The following ZNF438 variants were observed in gnomAD, a reference collection of about 807,000 sequenced individuals.
ZNF438 encodes zinc finger protein 438.
ZNF438 carries 25 observed loss-of-function variants against 38.0 expected under a neutral mutation model. The ratio of observed to expected loss-of-function variants is 0.66; its 90% CI spans 0.48 to 0.92. ZNF438 has a LOEUF of 0.92. ZNF438 is among the 40% of genes least tolerant of loss of function. The pLI is 0.00. For missense variants in ZNF438, 1,007 were observed against 999.6 expected (o/e 1.01, Z -0.10); for synonymous variants, 372 against 364.1 (o/e 1.02, Z -0.25).
At chr10:30,900,573 C>A (rs982117393) in intron 3 of ZNF438, among the ~76,000 whole-genome samples, 8 of 152,190 alleles carry the variant, frequency 5.3e-5, no homozygotes, top group African/African-American at 1.9e-4. Flanking sequence ...TTCTTTAATT[C>A]TCATCACAGC....
intron 3 of ZNF438, among the ~76,000 whole-genome samples, chr10:30,906,697 G>A (rs2042621747): frequency 1.3e-5 from 2 of 152,190 alleles, no homozygotes; most frequent in Non-Finnish European, 2.9e-5. Context: ...GATGTTAGCT[G>A]TGTAGTTTTT....
intron 4 of ZNF438, among the ~76,000 whole-genome samples, chr10:30,874,133 T>C (rs1588932026): frequency 8.1e-5 from 2 of 24,794 alleles, no homozygotes; most frequent in African/African-American, 1.9e-4. Context: ...TATATATATA[T>C]ATATATATAT....
intron 3 of ZNF438, among the ~76,000 whole-genome samples, chr10:30,882,146 T>C (rs2039344355): frequency 6.6e-6 from 1 of 152,128 alleles, no homozygotes; most frequent in African/African-American, 2.4e-5. Flanking sequence ...TGGGAGAAAC[T>C]ATTTGAAAAT....
chr10:30,860,013 G>A (rs929313450), intron 4 of ZNF438, among the ~76,000 whole-genome samples: 2 of 151,834 alleles, frequency 1.3e-5, no homozygotes, highest in South Asian at 4.2e-4. Flanking sequence ...TTTTCCCCCC[G>A]AGATTAGCCA....
intron 4 of ZNF438, among the ~76,000 whole-genome samples, chr10:30,873,198 C>G (rs2037779039): frequency 6.6e-6 from 1 of 152,144 alleles, no homozygotes; most frequent in South Asian, 2.1e-4. Flanking sequence ...AATTCTATCC[C>G]TAAATCCTGA....
chr10:30,965,189 T>A (rs1206808443), intron 1 of ZNF438, among the ~76,000 whole-genome samples: 1 of 152,166 alleles, frequency 6.6e-6, no homozygotes, highest in African/African-American at 2.4e-5. Context: ...GAAAAAATGT[T>A]TAACATCACT....
intron 4 of ZNF438, among the ~76,000 whole-genome samples, chr10:30,860,725 G>A (rs776519213): frequency 7.9e-5 from 12 of 152,168 alleles, no homozygotes; most frequent in Non-Finnish European, 1.3e-4. Flanking sequence ...AATTCAATGC[G>A]AATAGGGTTA....
At chr10:30,905,301 T>C (rs2042463276) in intron 3 of ZNF438, among the ~76,000 whole-genome samples, 1 of 152,252 alleles carries the variant, frequency 6.6e-6, no homozygotes, top group Non-Finnish European at 1.5e-5. Flanking sequence ...CATATTTAAA[T>C]TATAGCCATC....
chr10:30,876,046 A>G (rs2038365305), intron 4 of ZNF438, among the ~76,000 whole-genome samples: 1 of 152,348 alleles, frequency 6.6e-6, no homozygotes, highest in East Asian at 1.9e-4. Flanking sequence ...AGATTTACAG[A>G]TGTGGAAGCT....
intron 1 of ZNF438, among the ~76,000 whole-genome samples, chr10:30,978,576 C>G (rs1355186842): frequency 6.6e-6 from 1 of 152,070 alleles, no homozygotes; most frequent in African/African-American, 2.4e-5. Flanking sequence ...AGAACACAAC[C>G]ATTATCCCAA....
At chr10:30,908,245 T>C (rs982915869) in intron 3 of ZNF438, among the ~76,000 whole-genome samples, 3 of 152,224 alleles carry the variant, frequency 2.0e-5, no homozygotes, top group African/African-American at 7.2e-5. Context: ...CATACTTTAG[T>C]ATCATTTCAA....
chr10:31,021,470 C>T (rs770978293), intron 1 of ZNF438, among the ~76,000 whole-genome samples: 1 of 151,994 alleles, frequency 6.6e-6, no homozygotes, highest in Non-Finnish European at 1.5e-5. Flanking sequence ...TTGGTGCAAA[C>T]GTTCATTGCA....
chr10:31,024,532 G>T (rs2133350321), intron 1 of ZNF438, among the ~76,000 whole-genome samples: 1 of 152,260 alleles, frequency 6.6e-6, no homozygotes, highest in South Asian at 2.1e-4. Flanking sequence ...GGAGGCTGAG[G>T]CAAGAGAATG....
rs545698238 is a variant in ZNF438, at chr10:30,945,725, C to T, written c.-191-4074G>A. ...ATTTCATCCATGTCCCTACAAAGGA[C>T]GTGAACTCATCATTTTTTATGGCTG... On this transcript the variant is annotated intron_variant, in intron 1 of 5. Coordinates refer to ENST00000413025, the Ensembl canonical transcript of ZNF438. 2.7e-3 allele frequency among the ~76,000 whole-genome samples: 352 copies of T among 130,984 alleles called. 3 individuals carry two copies. The highest frequency in any genetic ancestry group is 9.8e-3 in the African/African-American group (330 of 33,594). 85.9% of individuals were successfully genotyped at this position (130,984 alleles called of 152,430 possible).
At chr10:30,911,161 A>G (rs184356744) in intron 2 of ZNF438, among the ~76,000 whole-genome samples, 1 of 152,154 alleles carries the variant, frequency 6.6e-6, no homozygotes, top group African/African-American at 2.4e-5. Flanking sequence ...TTACAAAAAA[A>G]TATAAAGCAA....
Position 30,850,619 on chromosome 10 carries a change from A to G in ZNF438, c.38-252T>C, listed in dbSNP as rs41289003. On this transcript the variant is annotated intron_variant, in intron 4 of 5. Transcript: ENST00000413025. Reference sequence around the variant, plus strand: ...TATTTACCATTTTCCATAATAATTTATGTGTTTATGTGTATCTCTACTAGT... The same window carrying G: ...TATTTACCATTTTCCATAATAATTTGTGTGTTTATGTGTATCTCTACTAGT... 1.0e-2 allele frequency among the ~76,000 whole-genome samples: 1,517 copies of G among 152,230 alleles called. 16 individuals are homozygous for G. The highest frequency in any genetic ancestry group is 0.018 in the Non-Finnish European group (1,225 of 68,008).
chr10:30,913,627 TAGTC>T (rs770597340), intron 2 of ZNF438, among the ~76,000 whole-genome samples: 1 of 152,074 alleles, frequency 6.6e-6, no homozygotes, highest in Non-Finnish European at 1.5e-5. Context: ...AGAAGTATCT[TAGTC>T]AGCCTAGAAA....
intron 1 of ZNF438, among the ~76,000 whole-genome samples, chr10:30,949,691 A>T (rs1589370003): frequency 1.3e-5 from 2 of 152,282 alleles, no homozygotes; most frequent in Non-Finnish European, 2.9e-5. Context: ...CAACAAGAAG[A>T]GCTAACTATC....
chr10:30,975,015 C>T (rs1384247382), intron 1 of ZNF438, among the ~76,000 whole-genome samples: 1 of 152,168 alleles, frequency 6.6e-6, no homozygotes, highest in Non-Finnish European at 1.5e-5. Flanking sequence ...CTTTACTTCA[C>T]TCCCTACCTC....
Sources: gnomAD v4.1 joint callset for allele counts (sites outside exome capture counted in the v4.1 genomes callset) on GRCh38, gnomAD v4.1.1 for gene constraint, MANE v1.5 for transcripts, NCBI Gene and HGNC (gene_info 2026-07-23, HGNC 2026-07-21) for gene names.